GREB1L: variants seen among roughly 807,000 people sequenced by gnomAD.
GREB1L encodes the protein GREB1-like protein.
GREB1L carries 17 observed loss-of-function variants against 200.8 expected under a neutral mutation model. That is an observed-to-expected ratio of 0.08 (90% CI 0.06 to 0.13). The LOEUF (loss-of-function observed/expected upper bound fraction) is 0.13, where lower values mean the gene tolerates loss of function less well. Among genes scored for constraint, GREB1L ranks in the 10% least tolerant of loss-of-function variants. The pLI, the probability that GREB1L is intolerant of heterozygous loss-of-function variation, is 1.00. For synonymous variants in GREB1L, 789 were observed against 893.0 expected, an observed-to-expected ratio of 0.88 and a Z score of 2.08; for missense variants, 1,657 against 2,367.7, an observed-to-expected ratio of 0.70 and a Z score of 6.23.
chr18:21,408,502 A>G (rs2030554023), intron 7 of GREB1L, among the ~76,000 whole-genome samples: 1 of 152,064 alleles, frequency 6.6e-6, no homozygotes. Context: ...GCAAATCAAA[A>G]CCATAATGAG....
intron 29 of GREB1L, 76 bp from the exon 30 acceptor site, chr18:21,516,537 A>G (rs2037423310): frequency 1.4e-6 from 2 of 1,384,778 alleles, no homozygotes; most frequent in African/African-American, 1.4e-5. Context: ...CTTGCCACAC[A>G]TTTATTTCTC....
intron 1 of GREB1L, among the ~76,000 whole-genome samples, chr18:21,346,924 A>G (rs963265883): frequency 6.6e-6 from 1 of 151,862 alleles, no homozygotes; most frequent in African/African-American, 2.4e-5. Context: ...CCTTCTAATT[A>G]TTTCTTCCTG....
chr18:21,496,598 G>A lies in GREB1L; in HGVS notation c.3291G>A (p.Lys1097=), dbSNP rs1442607959. 15 of 1,551,622 alleles carry A rather than the reference G, an allele frequency of 9.7e-6. No homozygotes were observed. Among genetic ancestry groups the A allele is most frequent in the African/African-American group, 1.4e-5 (1 of 73,050 alleles). The change falls in exon 21 of 33, where the codon AAG becomes AAA. Residue 1097 remains lysine, a synonymous_variant. Coordinates refer to ENST00000424526, the MANE Select transcript of GREB1L (RefSeq NM_001142966.3). The stretch of plus-strand genomic sequence containing the variant: ...CTGTTGCCCTGGACCTCAGCGGGAA[G>A]GAGCAGGAGAGAGCTGCTGTCAGTG... ...GPTVALDLSG[K]EQERAAVSEN...
intron 12 of GREB1L, among the ~76,000 whole-genome samples, chr18:21,450,451 C>T (rs1345360948): frequency 2.0e-5 from 3 of 152,178 alleles, no homozygotes; most frequent in African/African-American, 7.2e-5. Flanking sequence ...CTAAGAAAAC[C>T]CCCTCACTTT....
rs766363456 is a variant in GREB1L, at chr18:21,499,927, C to T, written c.3590C>T (p.Thr1197Ile). The T allele has an allele frequency of 1.9e-5, 30 of 1,550,044 alleles. No homozygotes were observed. The highest frequency in any genetic ancestry group is 1.7e-4 in the Middle Eastern group (1 of 5,980). The change falls in exon 22 of 33, where the codon ACC becomes ATC. Residue 1197 changes from threonine (T) to isoleucine (I), a missense_variant. Around this residue, in one of 9 missense-constraint regions of GREB1L, gnomAD observed 512 missense variants for 668.3 expected, o/e 0.77. Coordinates refer to ENST00000424526, the MANE Select transcript of GREB1L (RefSeq NM_001142966.3). Reference protein sequence around the residue: ...DSLGPQMASSTTSKPSSSSSG... With the variant: ...DSLGPQMASSITSKPSSSSSG... ...CTGGGCCCCCAGATGGCGAGCAGCACCACCTCCAAGCCGTCATCATCATCC... is the reference window on the plus strand; with the variant it reads ...CTGGGCCCCCAGATGGCGAGCAGCATCACCTCCAAGCCGTCATCATCATCC...
At chr18:21,330,742 A>C (rs1190996960) in intron 1 of GREB1L, among the ~76,000 whole-genome samples, 1 of 152,154 alleles carries the variant, frequency 6.6e-6, no homozygotes, top group East Asian at 1.9e-4. Flanking sequence ...CTGAAAAAAA[A>C]AATTTTAAGG....
At chr18:21,434,773 A>G (rs1011617918) in intron 7 of GREB1L, among the ~76,000 whole-genome samples, 1 of 152,120 alleles carries the variant, frequency 6.6e-6, no homozygotes, top group Admixed American at 6.6e-5. Flanking sequence ...TGTTTGTTAA[A>G]TAAGTAAAAA....
At chr18:21,503,511 T>TA (rs2036885930) in intron 23 of GREB1L, among the ~76,000 whole-genome samples, 1 of 151,588 alleles carries the variant, frequency 6.6e-6, no homozygotes, top group Admixed American at 6.6e-5. Flanking sequence ...TGGCCACTAA[T>TA]AAAAAATATA....
chr18:21,277,553 T>G lies in GREB1L; in HGVS notation c.-120+35160T>G, dbSNP rs185872138. Among the ~76,000 whole-genome samples the G allele has an allele frequency of 2.6e-5, 4 of 152,318 alleles. No homozygotes were observed. In the East Asian group the frequency reaches 7.7e-4, roughly 29 times the overall value. On this transcript the variant is annotated intron_variant, in intron 1 of 32. Coordinates refer to ENST00000424526, the MANE Select transcript of GREB1L (RefSeq NM_001142966.3). ...ATCCTTAGCCCCTTTTGTCACCTTC[T>G]TCCTAGGCAATCCCATGACCTTTGT...
intron 2 of GREB1L, among the ~76,000 whole-genome samples, chr18:21,377,794 C>T (rs1301246140): frequency 6.6e-6 from 1 of 151,940 alleles, no homozygotes; most frequent in East Asian, 1.9e-4. Flanking sequence ...CCTGTAATCC[C>T]AGCTACTCGG....
chr18:21,451,994 G>C (rs1388576631), intron 13 of GREB1L, 89 bp from the exon 14 acceptor site: 1 of 1,251,642 alleles, frequency 8.0e-7, no homozygotes, highest in Non-Finnish European at 1.1e-6. Flanking sequence ...AATCTACTGA[G>C]AACAGCCTAA....
chr18:21,333,270 T>C (rs2039134326), intron 1 of GREB1L, among the ~76,000 whole-genome samples: 1 of 152,220 alleles, frequency 6.6e-6, no homozygotes, highest in African/African-American at 2.4e-5. Context: ...ATTTATTAAC[T>C]ATTAATTGTA....
At chr18:21,380,180 G>A (rs1292017456) in intron 2 of GREB1L, 2 of 152,012 alleles carry the variant, frequency 1.3e-5, no homozygotes, top group Non-Finnish European at 2.9e-5. Flanking sequence ...CGCATACTAC[G>A]CACTGCCACC....
chr18:21,375,418 A>G (rs2040033629), intron 2 of GREB1L, among the ~76,000 whole-genome samples: 1 of 152,092 alleles, frequency 6.6e-6, no homozygotes, highest in African/African-American at 2.4e-5. Flanking sequence ...GATTTTTAAA[A>G]TTGTTATTTG....
intron 15 of GREB1L, among the ~76,000 whole-genome samples, chr18:21,459,821 G>A (rs2034960580): frequency 6.6e-6 from 1 of 152,166 alleles, no homozygotes; most frequent in Non-Finnish European, 1.5e-5. Context: ...CTGGGAAACT[G>A]CTGTCCTGAG....
Position 21,449,845 on chromosome 18 carries a change from T to C in GREB1L, c.1720+9T>C. The C allele has an allele frequency of 2.0e-6, 3 of 1,482,246 alleles. No homozygotes were observed. Among genetic ancestry groups the C allele is most frequent in the Non-Finnish European group, 2.7e-6 (3 of 1,113,326 alleles). 91.8% of individuals were successfully genotyped at this position (1,482,246 alleles called of 1,614,324 possible). Reference sequence around the variant, plus strand: ...TTGTGTGGTAGTGTTAGGTGAGTAATTTTTTTGTTTTTTGTTTGTTTAATC... The same window carrying C: ...TTGTGTGGTAGTGTTAGGTGAGTAACTTTTTTGTTTTTTGTTTGTTTAATC... On this transcript the variant is annotated intron_variant, in intron 12 of 32. Transcript: ENST00000424526.
chr18:21,273,569 T>C (rs576932321), intron 1 of GREB1L, among the ~76,000 whole-genome samples: 29 of 152,352 alleles, frequency 1.9e-4, no homozygotes, highest in Admixed American at 1.9e-3. Flanking sequence ...TCTGTAATTA[T>C]ATAATTAAAT....
chr18:21,492,263 G>A (rs1176720771), intron 19 of GREB1L, among the ~76,000 whole-genome samples: 1 of 151,804 alleles, frequency 6.6e-6, no homozygotes, highest in Non-Finnish European at 1.5e-5. Context: ...GGAGAATGGC[G>A]TGAACCCGGG....
intron 1 of GREB1L, among the ~76,000 whole-genome samples, chr18:21,250,983 TTAA>T (rs1196583632): frequency 2.0e-5 from 3 of 152,210 alleles, no homozygotes; most frequent in Non-Finnish European, 4.4e-5. Flanking sequence ...ATAATCAATA[TTAA>T]TAATCTTACA....
Sources: allele counts gnomAD v4.1 joint callset (sites outside exome capture counted in the v4.1 genomes callset), GRCh38; gene constraint gnomAD v4.1.1; regional missense constraint gnomAD v4.1.1; transcripts MANE v1.5; gene names NCBI Gene and HGNC (gene_info 2026-07-23, HGNC 2026-07-21).